Variants in ZFX observed in about 807,000 individuals in gnomAD.
ZFX encodes zinc finger protein X-linked.
For missense variants in ZFX, 362 were observed against 628.3 expected (o/e 0.58, Z 4.53); for synonymous variants, 196 against 226.8 (o/e 0.86, Z 1.22).
At chrX:24,208,154 A>G (rs1937743323) in intron 7 of ZFX, 64 bp from the exon 8 acceptor site, 9 of 1,168,552 alleles carry the variant, frequency 7.7e-6, no homozygotes, top group Non-Finnish European at 1.0e-5. Context: ...GAATTCAAAT[A>G]AAAACGTGTT....
intron 5 of ZFX, among the ~76,000 whole-genome samples, chrX:24,200,054 AAG>A (rs746800684): frequency 2.7e-5 from 3 of 111,312 alleles, no homozygotes; most frequent in South Asian, 3.8e-4. Context: ...GGCCTTCAGA[AAG>A]AGGGGATGGG....
chrX:24,165,295 T>C (rs1268715550), intron 3 of ZFX, among the ~76,000 whole-genome samples: 1 of 111,849 alleles, frequency 8.9e-6, no homozygotes, highest in Non-Finnish European at 1.9e-5. Context: ...TAATTTTTTG[T>C]ATTGTAGTAG....
chrX:24,210,050 A>C (rs1937960436), intron 9 of ZFX, 143 bp from the exon 10 acceptor site: 1 of 779,461 alleles, frequency 1.3e-6, no homozygotes, highest in African/African-American at 2.1e-5. Context: ...GTGTTGAAAA[A>C]CAGTAAAAGG....
At chrX:24,166,647 A>C (rs1017066271) in intron 3 of ZFX, among the ~76,000 whole-genome samples, 5 of 111,113 alleles carry the variant, frequency 4.5e-5, no homozygotes, top group Non-Finnish European at 7.5e-5. Context: ...TTATATTTAC[A>C]TATTTCCATG....
At chrX:24,173,536 A>G (rs1934830795) in intron 4 of ZFX, 1 of 1,096,467 alleles carries the variant, frequency 9.1e-7, no homozygotes, top group Admixed American at 3.5e-5. Flanking sequence ...TGTATTTCAG[A>G]TTACCCATGG....
At position 24,211,295 on chromosome X, in the gene ZFX, G is replaced by A. The variant is rs199864282; in HGVS notation, c.2337G>A (p.Glu779=). Residue 779 remains glutamate (E), a synonymous_variant, in exon 10 of 10, where the codon GAG becomes GAA. Coordinates refer to ENST00000304543, the MANE Select transcript of ZFX (RefSeq NM_003410.4). The part of the protein sequence containing the change: ...IHTKDYPHRC[E]YCKKGFRRPS... ...CGAAAGACTATCCTCACCGGTGTGA[G>A]TACTGCAAGAAAGGCTTCCGAAGAC... is the stretch of plus-strand genomic sequence containing the variant. 1 of 1,212,008 alleles carries A rather than the reference G, an allele frequency of 8.3e-7. No homozygotes were observed. The highest frequency in any genetic ancestry group is 1.1e-6 in the Non-Finnish European group (1 of 895,600).
chrX:24,169,534 T>A (rs1473411072), intron 3 of ZFX, among the ~76,000 whole-genome samples: 1 of 107,356 alleles, frequency 9.3e-6, no homozygotes, highest in African/African-American at 3.4e-5. Context: ...GTCCAGAGGC[T>A]ATTTTCATCC....
Position 24,215,325 on chromosome X carries a change from A to G in ZFX, c.*3949A>G, listed in dbSNP as rs1302454134. The G allele has an allele frequency of 8.9e-6, 1 of 111,964 alleles. No homozygotes were observed. Among genetic ancestry groups the G allele is most frequent in the East Asian group, 2.8e-4 (1 of 3,606 alleles). 9.2% of individuals were successfully genotyped at this position (111,964 alleles called of 1,213,427 possible). A position where few individuals can be genotyped will look rare whatever the true frequency, so the allele number is the denominator to read the frequency against. On this transcript the variant is annotated 3_prime_UTR_variant, in exon 10 of 10. Transcript: ENST00000304543. ...ATTCATGTAAGGAAAAACATGGCTAATCAATATCTTAAAGGGGCAATCTTT... is the reference window on the plus strand; with the variant it reads ...ATTCATGTAAGGAAAAACATGGCTAGTCAATATCTTAAAGGGGCAATCTTT...
rs1353375036 is a variant in ZFX at position 24,213,542 on chromosome X, C to CTGAT, written c.*2168_*2171dup. ...TTTGGCAAACCTCTGAAGTGCTAGACTGATTTAGTCTAGTTTTAAACCAAG... is the reference window on the plus strand; with the variant it reads ...TTTGGCAAACCTCTGAAGTGCTAGACTGATTGATTTAGTCTAGTTTTAAACCAAG... On this transcript the variant is annotated 3_prime_UTR_variant, in exon 10 of 10. Transcript: ENST00000304543. 25 of 111,454 alleles carry CTGAT rather than the reference C, an allele frequency of 2.2e-4. No homozygotes were observed. Among genetic ancestry groups the CTGAT allele is most frequent in the Non-Finnish European group, 4.1e-4 (22 of 53,033 alleles). 9.2% of individuals were successfully genotyped at this position (111,454 alleles called of 1,213,427 possible).
At chrX:24,151,519 G>A (rs1345055374) in intron 1 of ZFX, 172 bp from the exon 2 acceptor site, 1 of 111,677 alleles carries the variant, frequency 9.0e-6, no homozygotes, top group Non-Finnish European at 1.9e-5. Flanking sequence ...GATGGTATAG[G>A]TAGGGGAGTG....
In ZFX at chrX:24,212,898, G is replaced by T. The variant is rs1340118850; in HGVS notation, c.*1522G>T. 7 of 97,881 alleles carry T rather than the reference G, an allele frequency of 7.2e-5. No individual in the cohort carries two copies. Among genetic ancestry groups the T allele is most frequent in the Non-Finnish European group, 1.3e-4 (6 of 46,339 alleles). 8.1% of individuals were successfully genotyped at this position (97,881 alleles called of 1,213,427 possible). A position where few individuals can be genotyped will look rare whatever the true frequency, so the allele number is the denominator to read the frequency against. The stretch of plus-strand genomic sequence containing the variant: ...GTTTTTTGTTTGTTTGTTTTTTTTT[G>T]TTGTTTTTTTTTCTTAAGACGGAGT... On this transcript the variant is annotated 3_prime_UTR_variant, in exon 10 of 10. Coordinates refer to ENST00000304543, the MANE Select transcript of ZFX (RefSeq NM_003410.4).
At chrX:24,190,259 A>G (rs887647168) in intron 5 of ZFX, among the ~76,000 whole-genome samples, 3 of 111,700 alleles carry the variant, frequency 2.7e-5, no homozygotes, top group African/African-American at 6.5e-5. Flanking sequence ...ATTTTCAAGT[A>G]TACAGTACAT....
Position 24,179,680 on chromosome X carries a change from G to A in ZFX, c.556G>A (p.Ala186Thr). 8.3e-7 allele frequency: 1 copy of A among 1,211,684 alleles called. No homozygotes were observed. Among genetic ancestry groups the A allele is most frequent in the South Asian group, 1.8e-5 (1 of 57,005 alleles). ...VSEEVLVADC[A>T]SEAVIDANGI... ...AGAAGAAGTATTGGTAGCAGACTGT[G>A]CCTCTGAAGCAGTCATAGATGCCAA... Residue 186 changes from alanine to threonine, a missense_variant, in exon 5 of 10, where the codon GCC becomes ACC. Ala to Thr is a moderately conservative substitution (Grantham distance 58). Coordinates refer to ENST00000304543, the MANE Select transcript of ZFX (RefSeq NM_003410.4).
chrX:24,177,892 T>G, intron 4 of ZFX: 2 of 714,748 alleles, frequency 2.8e-6, no homozygotes, highest in Non-Finnish European at 3.3e-6. Flanking sequence ...TGAAGGAAAA[T>G]AGTATGTTTG....
intron 3 of ZFX, among the ~76,000 whole-genome samples, chrX:24,172,163 A>G (rs944504320): frequency 7.1e-5 from 8 of 112,237 alleles, no homozygotes; most frequent in African/African-American, 2.6e-4. Flanking sequence ...GTTGTTTACT[A>G]CAGTTATGCA....
intron 3 of ZFX, among the ~76,000 whole-genome samples, chrX:24,157,501 C>T (rs1460797779): frequency 8.9e-6 from 1 of 112,110 alleles, no homozygotes; most frequent in Non-Finnish European, 1.9e-5. Flanking sequence ...GGTCAGGGCT[C>T]TTCATTTTGT....
intron 5 of ZFX, among the ~76,000 whole-genome samples, chrX:24,203,861 C>T (rs1482454962): frequency 8.9e-6 from 1 of 112,376 alleles, no homozygotes; most frequent in Non-Finnish European, 1.9e-5. Flanking sequence ...ATTTCAGACT[C>T]TCATCCTCTC....
Position 24,210,577 on chromosome X carries a change from C to T in ZFX, c.1619C>T (p.Ala540Val), listed in dbSNP as rs773201273. 8.3e-7 allele frequency: 1 copy of T among 1,211,769 alleles called. No individual in the cohort carries two copies. Among genetic ancestry groups the T allele is most frequent in the Admixed American group, 2.2e-5 (1 of 46,039 alleles). The change falls in exon 10 of 10, where the codon GCA becomes GTA. Residue 540 changes from alanine (A) to valine (V), a missense_variant. By Grantham distance (64) the Ala-to-Val change is moderately conservative (BLOSUM62 0). Transcript: ENST00000304543. Reference protein sequence around the residue: ...EQGLLNRHLLAVHSKNFPHIC... With the variant: ...EQGLLNRHLLVVHSKNFPHIC... ...GGGTTATTGAATCGCCACCTCTTGG[C>T]AGTCCACAGCAAGAACTTTCCTCAT...
At chrX:24,152,257 T>G (rs1474791033) in intron 2 of ZFX, among the ~76,000 whole-genome samples, 1 of 109,516 alleles carries the variant, frequency 9.1e-6, no homozygotes, top group Non-Finnish European at 1.9e-5. Context: ...TGCCTCAGCC[T>G]CCCGAGTAGC....
Sources: allele counts gnomAD v4.1 joint callset (sites outside exome capture counted in the v4.1 genomes callset), GRCh38; gene constraint gnomAD v4.1.1; transcripts MANE v1.5; gene names NCBI Gene and HGNC (gene_info 2026-07-23, HGNC 2026-07-21).